COG5: variants seen among roughly 807,000 people sequenced by gnomAD.
The protein encoded by COG5 is component of oligomeric golgi complex 5, also known as conserved oligomeric Golgi complex subunit 5.
COG5 carries 86 observed loss-of-function variants against 110.4 expected under a neutral mutation model. The ratio of observed to expected loss-of-function variants is 0.78; its 90% CI spans 0.65 to 0.93. COG5 has a LOEUF of 0.93. COG5 is among the 40% of genes least tolerant of loss of function. The pLI, the probability that COG5 is intolerant of heterozygous loss-of-function variation, is 0.00. For synonymous variants in COG5, 360 were observed against 334.6 expected, an observed-to-expected ratio of 1.08 and a Z score of -0.83; for missense variants, 1,077 against 987.0, an observed-to-expected ratio of 1.09 and a Z score of -1.22.
intron 6 of COG5, among the ~76,000 whole-genome samples, chr7:107,460,333 G>A (rs1795910730): frequency 6.6e-6 from 1 of 151,984 alleles, no homozygotes; most frequent in Non-Finnish European, 1.5e-5. Flanking sequence ...AGCCCAGGAG[G>A]TCGAGGCTAC....
intron 7 of COG5, among the ~76,000 whole-genome samples, chr7:107,398,041 G>T (rs971034457): frequency 2.0e-5 from 3 of 151,880 alleles, no homozygotes; most frequent in Admixed American, 1.3e-4. Context: ...ACCTCTAAAA[G>T]AAAACATGAG....
intron 6 of COG5, among the ~76,000 whole-genome samples, chr7:107,416,563 ATATG>A (rs1401118914): frequency 4.6e-5 from 7 of 152,212 alleles, no homozygotes; most frequent in African/African-American, 1.7e-4. Context: ...TATAACTTAT[ATATG>A]TTAAAAATGT....
At chr7:107,348,635 T>C (rs914616671) in intron 10 of COG5, among the ~76,000 whole-genome samples, 1 of 152,256 alleles carries the variant, frequency 6.6e-6, no homozygotes, top group East Asian at 1.9e-4. Flanking sequence ...TTACAGAAAA[T>C]ATGCAGGAAT....
At chr7:107,404,246 AAATT>A (rs1209615521) in intron 7 of COG5, among the ~76,000 whole-genome samples, 1 of 152,204 alleles carries the variant, frequency 6.6e-6, no homozygotes, top group Non-Finnish European at 1.5e-5. Context: ...TTGAGGAATC[AAATT>A]AATGTCAGAA....
chr7:107,266,219 C>A (rs1470069163), intron 14 of COG5, among the ~76,000 whole-genome samples: 1 of 152,156 alleles, frequency 6.6e-6, no homozygotes, highest in Non-Finnish European at 1.5e-5. Context: ...ACTTTCCCAG[C>A]ACATCAATCT....
chr7:107,325,520 G>C (rs1323677274), intron 10 of COG5, among the ~76,000 whole-genome samples: 1 of 151,950 alleles, frequency 6.6e-6, no homozygotes, highest in Non-Finnish European at 1.5e-5. Context: ...GTGTGGTGGC[G>C]CATGCCTGTA....
chr7:107,558,185 CAATTAT>C (rs976672873), intron 1 of COG5, 70 bp from the exon 2 acceptor site: 5 of 1,453,370 alleles, frequency 3.4e-6, no homozygotes, highest in Middle Eastern at 4.6e-4. Flanking sequence ...AACAACAGAA[CAATTAT>C]AATCATAATT....
rs201105978 is a variant in COG5 at position 107,545,713 on chromosome 7, G to A, written c.417+2398C>T. 2.7e-5 allele frequency among the ~76,000 whole-genome samples: 4 copies of A among 150,740 alleles called. No homozygotes were observed. The East Asian group carries it at 5.8e-4, about 22-fold the overall frequency. On this transcript the variant is annotated intron_variant, in intron 5 of 21. Transcript: ENST00000297135. ...AAGAATGGCTTGAACCTGGGAGGTG[G>A]AGGTTGCAGTGAGCAGAGATCAGGC...
chr7:107,549,430 C>T (rs1382450890), intron 3 of COG5, among the ~76,000 whole-genome samples: 3 of 152,014 alleles, frequency 2.0e-5, no homozygotes, highest in African/African-American at 7.2e-5. Flanking sequence ...CTCGCTCTGT[C>T]GCCCAGGCTG....
intron 6 of COG5, among the ~76,000 whole-genome samples, chr7:107,465,635 G>T (rs1796249354): frequency 6.6e-6 from 1 of 152,108 alleles, no homozygotes; most frequent in Non-Finnish European, 1.5e-5. Context: ...AAGAAACACT[G>T]CTGAATATAC....
intron 19 of COG5, among the ~76,000 whole-genome samples, chr7:107,226,716 A>G (rs1264969485): frequency 6.6e-6 from 1 of 152,202 alleles, no homozygotes; most frequent in African/African-American, 2.4e-5. Flanking sequence ...GCTGGATTTG[A>G]ACCCCTTAAT....
intron 6 of COG5, among the ~76,000 whole-genome samples, chr7:107,509,055 T>C (rs1033908936): frequency 8.5e-5 from 13 of 152,086 alleles, no homozygotes; most frequent in African/African-American, 2.9e-4. Flanking sequence ...GAGAATGACT[T>C]TGACGTGTTG....
rs1422447117 is a variant in COG5, at chr7:107,298,330, C to T, written c.1125G>A (p.Lys375=). The change falls in exon 12 of 22, where the codon AAG becomes AAA. Residue 375 remains lysine (K), a synonymous_variant. Transcript: ENST00000297135. ...HMATNSSMFL[K]QAFEGEYPKL... is the part of the protein sequence containing the mutation. ...TAGGGTATTCTCCTTCAAATGCCTGCTTCAAAAACATCGAAGCTGCCAAGC... is the reference window on the plus strand; with the variant it reads ...TAGGGTATTCTCCTTCAAATGCCTGTTTCAAAAACATCGAAGCTGCCAAGC... 2 of 1,613,050 alleles carry T rather than the reference C, an allele frequency of 1.2e-6. No homozygotes were observed. Among genetic ancestry groups the T allele is most frequent in the Non-Finnish European group, 1.7e-6 (2 of 1,179,508 alleles).
chr7:107,499,540 G>A (rs1329566773), intron 6 of COG5, among the ~76,000 whole-genome samples: 1 of 151,932 alleles, frequency 6.6e-6, no homozygotes, highest in Non-Finnish European at 1.5e-5. Flanking sequence ...TGAGAAGCTA[G>A]GATTAAAGGA....
chr7:107,507,854 G>T (rs756862395), intron 6 of COG5, among the ~76,000 whole-genome samples: 1 of 152,156 alleles, frequency 6.6e-6, no homozygotes, highest in Admixed American at 6.5e-5. Flanking sequence ...CACAATAAAT[G>T]TATCATAATG....
At chr7:107,228,440 T>C (rs6952188) in intron 19 of COG5, among the ~76,000 whole-genome samples, 9,075 of 152,172 alleles carry the variant, frequency 0.06, 317 homozygotes, top group African/African-American at 0.086. Flanking sequence ...GGCAACATTT[T>C]ATTACCCAGC....
chr7:107,350,713 A>G lies in COG5; in HGVS notation c.1026+11320T>C, dbSNP rs115395185. On this transcript the variant is annotated intron_variant, in intron 10 of 21. Coordinates refer to ENST00000297135, the MANE Select transcript of COG5 (RefSeq NM_006348.5). ...GGAACTGCATTTGTTTCTTACGGGA[A>G]TGACACGTTGTTACCAATTAAGGAT... Among the ~76,000 whole-genome samples, 830 of 152,226 alleles carry G rather than the reference A, an allele frequency of 5.5e-3. 10 individuals carry two copies. The highest frequency in any genetic ancestry group is 0.019 in the African/African-American group (808 of 41,536).
At chr7:107,410,175 C>G (rs5002976) in intron 7 of COG5, among the ~76,000 whole-genome samples, 23,222 of 152,102 alleles carry the variant, frequency 0.15, 2,249 homozygotes, top group Non-Finnish European at 0.21. Flanking sequence ...AAGGGGAATA[C>G]TTCTTGGTAC....
chr7:107,386,666 C>T (rs901399203), intron 7 of COG5, among the ~76,000 whole-genome samples: 2 of 152,116 alleles, frequency 1.3e-5, no homozygotes, highest in Non-Finnish European at 2.9e-5. Flanking sequence ...AGTGGAACCT[C>T]GGTTTCACAG....
Sources: allele counts gnomAD v4.1 joint callset (sites outside exome capture counted in the v4.1 genomes callset), GRCh38; gene constraint gnomAD v4.1.1; transcripts MANE v1.5; gene names NCBI Gene and HGNC (gene_info 2026-07-23, HGNC 2026-07-21).